The following ANKS1A variants were observed in gnomAD, a reference collection of about 807,000 sequenced individuals.
ANKS1A encodes ankyrin repeat and sterile alpha motif domain containing 1A.
A neutral mutation model predicts 120.3 loss-of-function variants in ANKS1A; 55 were observed. The ratio of observed to expected loss-of-function variants is 0.46; its 90% confidence interval spans 0.37 to 0.57. The LOEUF (loss-of-function observed/expected upper bound fraction) is 0.57, where lower values mean the gene tolerates loss of function less well. ANKS1A is among the 20% of genes least tolerant of loss of function. The pLI is 0.00. For missense variants in ANKS1A, 1,123 were observed against 1,480.3 expected (o/e 0.76, Z 3.96); for synonymous variants, 590 against 604.7 (o/e 0.98, Z 0.36).
At chr6:35,087,785 T>C (rs539949253) in intron 23 of ANKS1A, among the ~76,000 whole-genome samples, 1 of 152,364 alleles carries the variant, frequency 6.6e-6, no homozygotes, top group East Asian at 1.9e-4. Context: ...TCTGGGTATC[T>C]GAACACTCAC....
intron 11 of ANKS1A, chr6:35,038,244 G>C (rs1222122116): frequency 6.6e-6 from 3 of 456,600 alleles, no homozygotes; most frequent in African/African-American, 2.0e-5. Context: ...GGAGCTTCAT[G>C]CCTGGCCTCC....
intron 12 of ANKS1A, among the ~76,000 whole-genome samples, chr6:35,055,993 A>G (rs913721732): frequency 6.6e-6 from 1 of 152,216 alleles, no homozygotes; most frequent in Admixed American, 6.5e-5. Context: ...TGAGACAAAC[A>G]CTGTTACCAT....
At chr6:34,985,397 G>A in intron 8 of ANKS1A, 119 bp downstream of exon 8, 3 of 987,772 alleles carry the variant, frequency 3.0e-6, no homozygotes, top group Non-Finnish European at 4.4e-6. Context: ...CCGGGGCCTG[G>A]AGCCCACTTA....
At chr6:35,030,834 C>T (rs1774872627) in intron 11 of ANKS1A, among the ~76,000 whole-genome samples, 2 of 152,206 alleles carry the variant, frequency 1.3e-5, no homozygotes, top group Admixed American at 1.3e-4. Context: ...GGCAGGCACG[C>T]CAGTTTCTTC....
chr6:35,070,878 A>G (rs1012965985), intron 13 of ANKS1A: 3 of 637,736 alleles, frequency 4.7e-6, no homozygotes, highest in East Asian at 4.0e-5. Flanking sequence ...CATTTCTTGC[A>G]TTTGAAGGAC....
chr6:34,952,286 T>A (rs1272356111), intron 1 of ANKS1A, among the ~76,000 whole-genome samples: 1 of 152,218 alleles, frequency 6.6e-6, no homozygotes, highest in Non-Finnish European at 1.5e-5. Flanking sequence ...GCTTTTTAGA[T>A]GCAAAGTTCC....
intron 1 of ANKS1A, among the ~76,000 whole-genome samples, chr6:34,929,150 A>G (rs1046520507): frequency 1.3e-5 from 2 of 152,220 alleles, no homozygotes; most frequent in African/African-American, 4.8e-5. Flanking sequence ...CTTTACTATA[A>G]AGCACTTCGA....
At chr6:35,097,978 C>T in the ANKS1A span, among the ~76,000 whole-genome samples, 10 of 152,260 alleles carry the variant, frequency 6.6e-5, no homozygotes, top group Non-Finnish European at 1.2e-4. Context: ...TTGTCAGAAG[C>T]GTAAGTTGGA....
At chr6:34,913,522 G>T (rs1341166451) in intron 1 of ANKS1A, among the ~76,000 whole-genome samples, 1 of 152,146 alleles carries the variant, frequency 6.6e-6, no homozygotes, top group African/African-American at 2.4e-5. Context: ...AGACAACAGG[G>T]TTTCAAACGC....
At chr6:35,078,393 C>T (rs567746393) in intron 13 of ANKS1A, among the ~76,000 whole-genome samples, 165 bp from the exon 14 acceptor site, 4 of 152,246 alleles carry the variant, frequency 2.6e-5, no homozygotes, top group South Asian at 2.1e-4. Flanking sequence ...CCCTGGGAGC[C>T]GCCCGGATGG....
chr6:34,962,431 C>T (rs1349493368), intron 1 of ANKS1A, among the ~76,000 whole-genome samples: 1 of 152,126 alleles, frequency 6.6e-6, no homozygotes, highest in Non-Finnish European at 1.5e-5. Flanking sequence ...TATAGAGTGG[C>T]TAGATTGAGC....
intron 1 of ANKS1A, among the ~76,000 whole-genome samples, chr6:34,915,399 T>G (rs1180933469): frequency 2.0e-5 from 3 of 152,174 alleles, no homozygotes; most frequent in Non-Finnish European, 4.4e-5. Context: ...GGTTTTTTGT[T>G]GTTGTTTTGT....
chr6:35,071,576 T>C (rs374476146), intron 13 of ANKS1A, among the ~76,000 whole-genome samples: 41 of 152,216 alleles, frequency 2.7e-4, no homozygotes, highest in African/African-American at 9.4e-4. Context: ...CAGGTTTCTG[T>C]GGGATCCCCT....
At chr6:35,040,124 A>T (rs749485342) in intron 11 of ANKS1A, among the ~76,000 whole-genome samples, 6 of 152,246 alleles carry the variant, frequency 3.9e-5, no homozygotes, top group Non-Finnish European at 8.8e-5. Context: ...AACTCAGGCC[A>T]TAGAAGGTAT....
At chr6:35,096,738 A>G in the ANKS1A span, among the ~76,000 whole-genome samples, 2 of 152,218 alleles carry the variant, frequency 1.3e-5, no homozygotes, top group African/African-American at 4.8e-5. Context: ...TGAGAGATTA[A>G]TAAGAAATGG....
At chr6:34,909,257 A>G (rs1352750623) in intron 1 of ANKS1A, among the ~76,000 whole-genome samples, 3 of 152,240 alleles carry the variant, frequency 2.0e-5, no homozygotes, top group African/African-American at 7.2e-5. Context: ...AGACTTAAAT[A>G]AATTCTCCCG....
At position 35,082,845 on chromosome 6, in the gene ANKS1A, C is replaced by G; in HGVS notation, c.2835+29C>G. 6.3e-7 allele frequency: 1 copy of G among 1,598,422 alleles called. No homozygotes were observed. The highest frequency in any genetic ancestry group is 8.5e-7 in the Non-Finnish European group (1 of 1,172,282). ...AGTTGCTCCCACCCTCCCAGCAGGG[C>G]CGGCCTCCCTGCTCCTTCTCGGCCA... On this transcript the variant is annotated intron_variant, in intron 18 of 23. Transcript: ENST00000360359. This position sits in a 1 kb window ranked among gnomAD's most constrained non-coding sequence, Gnocchi z 4.1.
At position 35,087,036 on chromosome 6, in the gene ANKS1A, A is replaced by C; in HGVS notation, c.3388A>C (p.Ser1130Arg). 1 of 1,614,146 alleles carries C rather than the reference A, an allele frequency of 6.2e-7. No individual in the cohort carries two copies. Among genetic ancestry groups the C allele is most frequent in the East Asian group, 2.2e-5 (1 of 44,878 alleles). ...GGACCCCAAACCAGACTCTAAGCGG[A>C]GCCTCAGCACCAAGTATGAGACCAC... ...VVDPKPDSKR[S>R]LSTN The change falls in exon 23 of 24, where the codon AGC (serine) becomes CGC (arginine). Residue 1130 changes from serine to arginine, a missense_variant. Transcript: ENST00000360359.
chr6:34,979,505 A>G (rs1277001331), intron 3 of ANKS1A, among the ~76,000 whole-genome samples: 2 of 152,184 alleles, frequency 1.3e-5, no homozygotes, highest in Non-Finnish European at 2.9e-5. Flanking sequence ...GCCAGTAGTG[A>G]TTATGACCTT....
Sources: allele counts gnomAD v4.1 joint callset (sites outside exome capture counted in the v4.1 genomes callset), GRCh38; gene constraint gnomAD v4.1.1; non-coding constraint Gnocchi (gnomAD v3.1); transcripts MANE v1.5; gene names NCBI Gene and HGNC (gene_info 2026-07-23, HGNC 2026-07-21).